Variants in DDX10 observed in about 807,000 individuals in gnomAD.
The protein encoded by DDX10 is probable ATP-dependent RNA helicase DDX10.
Under a neutral mutation model 104.3 loss-of-function variants are expected in DDX10, and 74 were observed. That is an observed-to-expected ratio of 0.71 (90% CI 0.59 to 0.86). DDX10 has a LOEUF of 0.86. Ranked by LOEUF, DDX10 falls within the 40% of genes least tolerant of loss-of-function variation. The probability of loss-of-function intolerance (pLI) is 0.00; values close to 1 mark genes in which losing one functional copy is unlikely to be tolerated. For synonymous variants in DDX10, 351 were observed against 353.4 expected (o/e 0.99, Z 0.08); for missense variants, 952 against 1,040.0 (o/e 0.92, Z 1.16).
At position 108,677,355 on chromosome 11, in the gene DDX10, G is replaced by C. The variant is rs189428022; in HGVS notation, c.537+112G>C. 9.8e-6 allele frequency: 9 copies of C among 915,052 alleles called. No homozygotes were observed. In the Admixed American group the frequency reaches 1.7e-4, roughly 17 times the overall value. 56.7% of individuals were successfully genotyped at this position (915,052 alleles called of 1,614,324 possible). A position where few individuals can be genotyped will look rare whatever the true frequency, so the allele number is the denominator to read the frequency against. On this transcript the variant is annotated intron_variant, in intron 4 of 17. Coordinates refer to ENST00000322536, the MANE Select transcript of DDX10 (RefSeq NM_004398.4). ...CATCTAAACAGACTGACCTAGACCA[G>C]GGCCTCATGGGATAGTAGCACTTGG... is the stretch of plus-strand genomic sequence containing the variant.
chr11:108,685,323 A>G (rs1198537922), intron 6 of DDX10, among the ~76,000 whole-genome samples: 6 of 149,324 alleles, frequency 4.0e-5, no homozygotes, highest in Non-Finnish European at 8.9e-5. Context: ...CCTTTCTTTG[A>G]CTCGGAAAGG....
rs2094326333 is a variant in DDX10 at position 108,742,400 on chromosome 11, T to C, written c.1965+18938T>C. Among the ~76,000 whole-genome samples, 5 of 151,018 alleles carry C rather than the reference T, an allele frequency of 3.3e-5. No individual in the cohort carries two copies. In the South Asian group the frequency reaches 1.0e-3, roughly 31 times the overall value. ...GACCAACATGGTGAAACCCTGTCTC[T>C]ACTAAAAATAAAAAATCAGCTGGGT... On this transcript the variant is annotated intron_variant, in intron 13 of 17. Coordinates refer to ENST00000322536, the MANE Select transcript of DDX10 (RefSeq NM_004398.4).
chr11:108,712,558 G>A (rs1456506738), intron 10 of DDX10, among the ~76,000 whole-genome samples: 1 of 151,826 alleles, frequency 6.6e-6, no homozygotes, highest in African/African-American at 2.4e-5. Flanking sequence ...GGTAGTGTGA[G>A]TACCTTATAA....
At chr11:108,756,287 T>G (rs1376284136) in intron 13 of DDX10, among the ~76,000 whole-genome samples, 1 of 152,068 alleles carries the variant, frequency 6.6e-6, no homozygotes, top group African/African-American at 2.4e-5. Context: ...TGTATGATTC[T>G]TATATGGAAA....
At chr11:108,758,766 A>G (rs1044871441) in intron 13 of DDX10, among the ~76,000 whole-genome samples, 2 of 152,024 alleles carry the variant, frequency 1.3e-5, no homozygotes, top group South Asian at 4.1e-4. Context: ...TTTTGATTAC[A>G]TTGGACTCAT....
At chr11:108,773,358 A>G (rs1565274022) in intron 13 of DDX10, among the ~76,000 whole-genome samples, 1 of 152,314 alleles carries the variant, frequency 6.6e-6, no homozygotes, top group East Asian at 1.9e-4. Context: ...TTACCTGTCA[A>G]GGTAGCTGCA....
intron 13 of DDX10, among the ~76,000 whole-genome samples, chr11:108,823,010 C>CT (rs1862347383): frequency 6.6e-6 from 1 of 152,178 alleles, no homozygotes; most frequent in African/African-American, 2.4e-5. Context: ...CTGATACTGT[C>CT]TATGTGATCT....
chr11:108,739,956 GAGA>G (rs1240624370), intron 13 of DDX10, among the ~76,000 whole-genome samples: 2 of 148,864 alleles, frequency 1.3e-5, no homozygotes, highest in Non-Finnish European at 3.0e-5. Context: ...TTGTTTTCGT[GAGA>G]AGTTTTGGCT....
intron 9 of DDX10, among the ~76,000 whole-genome samples, chr11:108,703,141 C>T (rs1451906566): frequency 6.6e-6 from 1 of 152,042 alleles, no homozygotes; most frequent in Non-Finnish European, 1.5e-5. Context: ...TAAATGTTCT[C>T]ACCACAAAAA....
intron 6 of DDX10, among the ~76,000 whole-genome samples, chr11:108,686,435 C>T (rs2094244206): frequency 6.6e-6 from 1 of 152,228 alleles, no homozygotes; most frequent in South Asian, 2.1e-4. Flanking sequence ...GATCTTTTTA[C>T]TGTCTCCATA....
At chr11:108,813,010 T>TTATG (rs1487937367) in intron 13 of DDX10, among the ~76,000 whole-genome samples, 1 of 85,428 alleles carries the variant, frequency 1.2e-5, no homozygotes, top group Non-Finnish European at 2.7e-5. Context: ...ACATTTACTT[T>TTATG]TATGAACAGA....
At chr11:108,895,951 A>G (rs1008008414) in intron 16 of DDX10, among the ~76,000 whole-genome samples, 1 of 152,146 alleles carries the variant, frequency 6.6e-6, no homozygotes, top group South Asian at 2.1e-4. Context: ...AGAAAGTTAT[A>G]TCAACTTCCT....
chr11:108,794,800 C>G (rs1420541623), intron 13 of DDX10, among the ~76,000 whole-genome samples: 1 of 151,708 alleles, frequency 6.6e-6, no homozygotes, highest in Non-Finnish European at 1.5e-5. Context: ...TTTGCGAAAC[C>G]TGTTCCCCTA....
At chr11:108,780,547 C>T (rs981243640) in intron 13 of DDX10, among the ~76,000 whole-genome samples, 1 of 152,086 alleles carries the variant, frequency 6.6e-6, no homozygotes, top group African/African-American at 2.4e-5. Context: ...GAATTTTATA[C>T]TGGAGATCCT....
At chr11:108,866,415 C>T (rs1207498657) in intron 16 of DDX10, among the ~76,000 whole-genome samples, 2 of 152,004 alleles carry the variant, frequency 1.3e-5, no homozygotes, top group Non-Finnish European at 2.9e-5. Context: ...ATGGGGCGGG[C>T]TGGAGCAGCT....
At chr11:108,862,770 G>T (rs537733679) in intron 16 of DDX10, among the ~76,000 whole-genome samples, 6 of 152,170 alleles carry the variant, frequency 3.9e-5, no homozygotes, top group Non-Finnish European at 8.8e-5. Context: ...AGGTGGTTTG[G>T]TGGCCTTGGA....
At chr11:108,873,317 A>G (rs1212546578) in intron 16 of DDX10, among the ~76,000 whole-genome samples, 1 of 152,202 alleles carries the variant, frequency 6.6e-6, no homozygotes, top group East Asian at 1.9e-4. Context: ...ATATTTATCA[A>G]AAATGAGTAT....
At chr11:108,863,089 G>A (rs1237619243) in intron 16 of DDX10, among the ~76,000 whole-genome samples, 4 of 152,120 alleles carry the variant, frequency 2.6e-5, no homozygotes, top group East Asian at 3.9e-4. Flanking sequence ...TTTTCCATGC[G>A]CATCTTATGT....
At chr11:108,731,324 T>C (rs2134485061) in intron 13 of DDX10, among the ~76,000 whole-genome samples, 1 of 152,286 alleles carries the variant, frequency 6.6e-6, no homozygotes, top group East Asian at 1.9e-4. Flanking sequence ...GTGCTAGGAT[T>C]ACAGGTGTCA....
Sources: gnomAD v4.1 joint callset for allele counts (sites outside exome capture counted in the v4.1 genomes callset) on GRCh38, gnomAD v4.1.1 for gene constraint, MANE v1.5 for transcripts, NCBI Gene and HGNC (gene_info 2026-07-23, HGNC 2026-07-21) for gene names.